Variants in ANGPT1 observed in about 807,000 individuals in gnomAD.
ANGPT1 encodes the protein angiopoietin-1.
ANGPT1 carries 17 observed loss-of-function variants against 62.2 expected under a neutral mutation model. The ratio of observed to expected loss-of-function variants is 0.27; its 90% CI spans 0.19 to 0.41. ANGPT1 has a LOEUF of 0.41. Among genes scored for constraint, ANGPT1 ranks in the 10% least tolerant of loss-of-function variants. The pLI, the probability that ANGPT1 is intolerant of heterozygous loss-of-function variation, is 1.00. For missense variants in ANGPT1, 478 were observed against 594.9 expected (o/e 0.80, Z 2.04); for synonymous variants, 199 against 198.9 (o/e 1.00, Z 0.00).
chr8:107,298,003 T>C (rs1029033213), intron 5 of ANGPT1, among the ~76,000 whole-genome samples: 1 of 151,886 alleles, frequency 6.6e-6, no homozygotes, highest in Admixed American at 6.6e-5. Flanking sequence ...GTCCTTCCTG[T>C]GGACAAGACC....
chr8:107,269,874 ATTTTTTCAATT>A (rs1391707376), intron 7 of ANGPT1, among the ~76,000 whole-genome samples: 1 of 152,004 alleles, frequency 6.6e-6, no homozygotes, highest in Non-Finnish European at 1.5e-5. Context: ...CAGCATTTTT[ATTTTTTCAATT>A]AGCATATCAT....
At chr8:107,436,494 T>G (rs1156424502) in intron 1 of ANGPT1, among the ~76,000 whole-genome samples, 1 of 152,254 alleles carries the variant, frequency 6.6e-6, no homozygotes, top group Non-Finnish European at 1.5e-5. Flanking sequence ...CAAGCCCTCT[T>G]GTGCTTATAT....
chr8:107,408,839 C>T (rs1330925354), intron 1 of ANGPT1, among the ~76,000 whole-genome samples: 1 of 152,146 alleles, frequency 6.6e-6, no homozygotes, highest in East Asian at 1.9e-4. Context: ...ATATAAAAAC[C>T]AGTAATTTGA....
chr8:107,471,834 A>G (rs891914178), intron 1 of ANGPT1, among the ~76,000 whole-genome samples: 3 of 152,096 alleles, frequency 2.0e-5, no homozygotes, highest in Non-Finnish European at 2.9e-5. Context: ...TACCACAACC[A>G]TACTTGTCTA....
chr8:107,433,055 T>C (rs1811236589), intron 1 of ANGPT1, among the ~76,000 whole-genome samples: 1 of 152,222 alleles, frequency 6.6e-6, no homozygotes, highest in Non-Finnish European at 1.5e-5. Context: ...TCATGTGAAA[T>C]AATTCTCTTT....
At chr8:107,384,537 G>C (rs1816697593) in intron 1 of ANGPT1, among the ~76,000 whole-genome samples, 1 of 152,038 alleles carries the variant, frequency 6.6e-6, no homozygotes, top group Non-Finnish European at 1.5e-5. Flanking sequence ...GCATAGAACT[G>C]TTCTGTAGGT....
In ANGPT1 at chr8:107,381,324, C is replaced by T. The variant is rs550552478; in HGVS notation, c.298-34227G>A. Among the ~76,000 whole-genome samples the T allele has an allele frequency of 6.6e-4, 101 of 152,222 alleles. 1 individual carries two copies. In the South Asian group the frequency reaches 0.02, roughly 30 times the overall value. ...GACTTAAAAGCAACACTGTGTGTGC[C>T]GGGAACTTGCCCAGAGATTAACCCT... On this transcript the variant is annotated intron_variant, in intron 1 of 8. Transcript: ENST00000517746.
intron 3 of ANGPT1, among the ~76,000 whole-genome samples, chr8:107,324,183 G>GTGTGTATATA (rs1554582601): frequency 2.4e-5 from 3 of 123,778 alleles, no homozygotes; most frequent in Non-Finnish European, 4.9e-5. Flanking sequence ...ATATGTGTGT[G>GTGTGTATATA]TGTGTATATA....
At chr8:107,279,905 C>CT (rs766237181) in intron 7 of ANGPT1, among the ~76,000 whole-genome samples, 1 of 151,986 alleles carries the variant, frequency 6.6e-6, no homozygotes, top group Non-Finnish European at 1.5e-5. Context: ...CCAAATTGGC[C>CT]TAAGAATGAG....
At chr8:107,361,222 TAACAAAATCCAATCAATATTCA>T (rs1816154688) in intron 1 of ANGPT1, among the ~76,000 whole-genome samples, 1 of 151,988 alleles carries the variant, frequency 6.6e-6, no homozygotes, top group Non-Finnish European at 1.5e-5. Context: ...TAAAGTTTAC[TAACAAAATCCAATCAATATTCA>T]AACAAGCCAT....
At chr8:107,483,368 T>C (rs1343207686) in intron 1 of ANGPT1, among the ~76,000 whole-genome samples, 3 of 152,194 alleles carry the variant, frequency 2.0e-5, no homozygotes, top group Non-Finnish European at 2.9e-5. Flanking sequence ...TGTTGAAGGC[T>C]GAGTATGAGT....
chr8:107,485,653 C>A (rs1812795839), intron 1 of ANGPT1, among the ~76,000 whole-genome samples: 1 of 152,116 alleles, frequency 6.6e-6, no homozygotes, highest in African/African-American at 2.4e-5. Flanking sequence ...GAGGTCATTG[C>A]CTAAGGAAAC....
chr8:107,457,712 C>A (rs987525475), intron 1 of ANGPT1, among the ~76,000 whole-genome samples: 1 of 151,798 alleles, frequency 6.6e-6, no homozygotes, highest in Non-Finnish European at 1.5e-5. Context: ...GGATAAGGCT[C>A]TTTACCAGAA....
chr8:107,350,327 T>C (rs910183467), intron 1 of ANGPT1, among the ~76,000 whole-genome samples: 3 of 152,084 alleles, frequency 2.0e-5, no homozygotes, highest in Non-Finnish European at 4.4e-5. Flanking sequence ...CAATACAAGA[T>C]CTGCTTGATA....
intron 1 of ANGPT1, among the ~76,000 whole-genome samples, chr8:107,381,685 G>C (rs1256757415): frequency 1.3e-5 from 2 of 152,178 alleles, no homozygotes; most frequent in African/African-American, 4.8e-5. Flanking sequence ...TAGCAAGATT[G>C]AATCACATTT....
rs201186487 is a variant in ANGPT1, at chr8:107,284,831, G to A, written c.1056C>T (p.Ser352=). 6.1e-5 allele frequency: 98 copies of A among 1,596,804 alleles called. No individual in the cohort carries two copies. Among genetic ancestry groups the A allele is most frequent in the Middle Eastern group, 3.3e-4 (2 of 5,976 alleles). The stretch of plus-strand genomic sequence containing the variant: ...ACTCATTCCCCAGCCAATATTCACC[G>A]GAGGGATTTCCAAAACCCTGGGAAA... The part of the protein sequence containing the change: ...KEYKMGFGNP[S]GEYWLGNEFI... The change falls in exon 7 of 9, where the codon TCC becomes TCT. Residue 352 remains serine (S), a synonymous_variant. Transcript: ENST00000517746.
At chr8:107,470,146 TTTTG>T (rs150347333) in intron 1 of ANGPT1, among the ~76,000 whole-genome samples, 7,986 of 152,158 alleles carry the variant, frequency 0.052, 237 homozygotes, top group South Asian at 0.11. Context: ...TTTGAGAATA[TTTTG>T]TTTTACAATA....
At chr8:107,276,442 A>G (rs927820125) in intron 7 of ANGPT1, among the ~76,000 whole-genome samples, 1 of 152,144 alleles carries the variant, frequency 6.6e-6, no homozygotes, top group Non-Finnish European at 1.5e-5. Context: ...AGGACTATGT[A>G]GCCCAGAGGA....
intron 4 of ANGPT1, among the ~76,000 whole-genome samples, chr8:107,305,123 A>C (rs1338551905): frequency 2.0e-5 from 3 of 152,000 alleles, no homozygotes; most frequent in Non-Finnish European, 2.9e-5. Flanking sequence ...ACAAAAAAAA[A>C]TTTTAAATCC....
Sources: gnomAD v4.1 joint callset for allele counts (sites outside exome capture counted in the v4.1 genomes callset) on GRCh38, gnomAD v4.1.1 for gene constraint, MANE v1.5 for transcripts, NCBI Gene and HGNC (gene_info 2026-07-23, HGNC 2026-07-21) for gene names.